Variants in IPO11 observed in about 807,000 individuals in gnomAD.
The protein encoded by IPO11 is importin 11, also known as importin-11.
In IPO11, 66 loss-of-function variants were observed where a neutral mutation model predicts 143.2. The observed-to-expected ratio is 0.46, with a 90% confidence interval of 0.38 to 0.57. IPO11 has a LOEUF of 0.57. IPO11 is among the 20% of genes least tolerant of loss of function. The probability of loss-of-function intolerance (pLI) is 0.00; values close to 1 mark genes in which losing one functional copy is unlikely to be tolerated. For missense variants in IPO11, 1,026 were observed against 1,141.0 expected (o/e 0.90, Z 1.45); for synonymous variants, 385 against 377.8 (o/e 1.02, Z -0.22).
intron 24 of IPO11, among the ~76,000 whole-genome samples, chr5:62,544,090 C>T (rs912388696): frequency 6.6e-6 from 1 of 152,116 alleles, no homozygotes; most frequent in Non-Finnish European, 1.5e-5. Context: ...GGAATCCTCC[C>T]TAACTCATTT....
At chr5:62,609,372 AC>A (rs1745848254) in intron 29 of IPO11, among the ~76,000 whole-genome samples, 1 of 152,234 alleles carries the variant, frequency 6.6e-6, no homozygotes. Flanking sequence ...ACAAAAAGAA[AC>A]AGCCTTCCAT....
rs759292769 is a variant in IPO11, at chr5:62,491,690, G to C, written c.1463+1470G>C. 2.7e-4 allele frequency among the ~76,000 whole-genome samples: 40 copies of C among 147,482 alleles called. 1 individual carries two copies. The highest frequency in any genetic ancestry group is 8.9e-5 in the Non-Finnish European group (6 of 67,090). On this transcript the variant is annotated intron_variant, in intron 15 of 29. Transcript: ENST00000325324. Reference sequence around the variant, plus strand: ...AGTTTTTTTTTTTTTTTTTGAGATGGAGTCTTGCTCTGTTGCCCAGGCTGT... The same window carrying C: ...AGTTTTTTTTTTTTTTTTTGAGATGCAGTCTTGCTCTGTTGCCCAGGCTGT...
At chr5:62,488,400 G>A (rs775564216) in intron 13 of IPO11, among the ~76,000 whole-genome samples, 1 of 152,202 alleles carries the variant, frequency 6.6e-6, no homozygotes, top group Non-Finnish European at 1.5e-5. Flanking sequence ...TATTCCCAGT[G>A]CTGGGCATAT....
chr5:62,487,851 A>T lies in IPO11; in HGVS notation c.1299A>T (p.Gln433His), dbSNP rs781473404. ...TLTPVLLEMM[Q>H]TLQGPTNVED... ...CTCCTGTACTTCTAGAAATGATGCA[A>T]ACACTTCAAGGTAAGGCATATTTTG... The change falls in exon 13 of 30, where the codon CAA becomes CAT. Residue 433 changes from glutamine (Q) to histidine (H), a missense_variant. Around this residue, in one of 5 missense-constraint regions of IPO11, gnomAD observed 237 missense variants for 288.0 expected, o/e 0.82. Transcript: ENST00000325324. 6.2e-7 allele frequency: 1 copy of T among 1,608,932 alleles called. No homozygotes were observed.
At chr5:62,536,450 C>T (rs559481946) in intron 22 of IPO11, among the ~76,000 whole-genome samples, 1 of 151,462 alleles carries the variant, frequency 6.6e-6, no homozygotes, top group South Asian at 2.1e-4. Flanking sequence ...TTCATTTATT[C>T]ATTCATTGAG....
intron 29 of IPO11, 48 bp from the exon 30 acceptor site, chr5:62,627,106 G>T (rs1415560344): frequency 5.2e-6 from 8 of 1,538,566 alleles, no homozygotes; most frequent in Middle Eastern, 1.9e-4. Flanking sequence ...AGGTAGGAGA[G>T]ACTTGTTTTG....
chr5:62,446,010 G>A (rs1335707697), intron 3 of IPO11, among the ~76,000 whole-genome samples: 1 of 152,172 alleles, frequency 6.6e-6, no homozygotes, highest in African/African-American at 2.4e-5. Flanking sequence ...TATGTCAGGG[G>A]TTTGATAGTA....
chr5:62,476,597 CCAG>C (rs1745964691), intron 8 of IPO11, 83 bp from the exon 9 acceptor site: 34 of 1,334,838 alleles, frequency 2.5e-5, no homozygotes, highest in East Asian at 1.6e-4. Flanking sequence ...AAAAATAAAA[CCAG>C]CAATATTATT....
rs772635565 is a variant in IPO11, at chr5:62,439,591, C to CT, written c.138+2188dup. ...CGTGAGCGACTGCGCCTGGCCCAGT[C>CT]TTTTTTTTTTTTTTAAGTAGAGACA... On this transcript the variant is annotated intron_variant, in intron 2 of 29. Transcript: ENST00000325324. Among the ~76,000 whole-genome samples the CT allele has an allele frequency of 8.5e-3, 1,187 of 140,272 alleles. 8 individuals carry two copies. The highest frequency in any genetic ancestry group is 0.021 in the African/African-American group (792 of 38,386). The allele number at this position is 140,272 out of a possible 152,430, so 92.0% of individuals were successfully genotyped here. A position where few individuals can be genotyped will look rare whatever the true frequency, so the allele number is the denominator to read the frequency against.
intron 29 of IPO11, among the ~76,000 whole-genome samples, chr5:62,615,305 G>C (rs1388855969): frequency 4.6e-5 from 7 of 152,170 alleles, no homozygotes; most frequent in Non-Finnish European, 8.8e-5. Flanking sequence ...CCCAATGTTT[G>C]ATAGTCCCAA....
chr5:62,567,283 G>T (rs562929242), intron 27 of IPO11, among the ~76,000 whole-genome samples: 4 of 152,046 alleles, frequency 2.6e-5, no homozygotes, highest in African/African-American at 9.7e-5. Flanking sequence ...TCTGCTGCCA[G>T]ATGTGTTGGA....
chr5:62,559,939 AAAAGAG>A (rs1453109554), intron 26 of IPO11, among the ~76,000 whole-genome samples: 1 of 140,564 alleles, frequency 7.1e-6, no homozygotes, highest in African/African-American at 2.6e-5. Context: ...AAAAAAAAAA[AAAAGAG>A]AGAGAAAAAC....
In IPO11 at chr5:62,453,069, A is replaced by C. The variant is rs369616245; in HGVS notation, c.516+1136A>C. 9.3e-5 allele frequency among the ~76,000 whole-genome samples: 14 copies of C among 151,086 alleles called. 1 individual carries two copies. Among genetic ancestry groups the C allele is most frequent in the African/African-American group, 3.5e-4 (14 of 40,384 alleles). On this transcript the variant is annotated intron_variant, in intron 5 of 29. Transcript: ENST00000325324. ...TTATACGGTCACATGATAGGGCTCA[A>C]GAAACTATTTCAGGTCTGTTCTGAA...
chr5:62,549,517 A>G (rs1179452384), intron 24 of IPO11, among the ~76,000 whole-genome samples: 1 of 152,196 alleles, frequency 6.6e-6, no homozygotes, highest in Non-Finnish European at 1.5e-5. Flanking sequence ...CTTGAGAAGC[A>G]TTAATGGAAG....
chr5:62,615,143 G>A (rs1340064863), intron 29 of IPO11, among the ~76,000 whole-genome samples: 1 of 152,110 alleles, frequency 6.6e-6, no homozygotes, highest in African/African-American at 2.4e-5. Flanking sequence ...GAAACTTTTG[G>A]GCATGAAAAC....
chr5:62,482,556 CT>C (rs1746251405), intron 9 of IPO11, among the ~76,000 whole-genome samples: 1 of 152,136 alleles, frequency 6.6e-6, no homozygotes, highest in African/African-American at 2.4e-5. Flanking sequence ...TCCTCAGCAG[CT>C]TTTCTCTTAT....
At chr5:62,562,177 A>C (rs905258204) in intron 27 of IPO11, 3 of 152,318 alleles carry the variant, frequency 2.0e-5, no homozygotes, top group Admixed American at 2.0e-4. Context: ...TGTTGATGGC[A>C]TAACAGCCCT....
chr5:62,446,756 G>T (rs1744733630), intron 3 of IPO11, among the ~76,000 whole-genome samples: 1 of 152,144 alleles, frequency 6.6e-6, no homozygotes, highest in African/African-American at 2.4e-5. Flanking sequence ...GTCGCCTGAG[G>T]TCAGGAGTTC....
At chr5:62,468,276 A>G (rs1561323182) in intron 6 of IPO11, among the ~76,000 whole-genome samples, 1 of 152,098 alleles carries the variant, frequency 6.6e-6, no homozygotes, top group South Asian at 2.1e-4. Context: ...CTCAGTTTGC[A>G]TTCTTTTTAG....
Sources: gnomAD v4.1 joint callset for allele counts (sites outside exome capture counted in the v4.1 genomes callset) on GRCh38, gnomAD v4.1.1 for gene constraint, gnomAD v4.1.1 regional missense constraint, MANE v1.5 for transcripts, NCBI Gene and HGNC (gene_info 2026-07-23, HGNC 2026-07-21) for gene names.